The following SCHIP1 variants were observed in gnomAD, a reference collection of about 807,000 sequenced individuals.
The protein encoded by SCHIP1 is schwannomin-interacting protein 1.
In SCHIP1, 8 loss-of-function variants were observed where a neutral mutation model predicts 29.7. The ratio of observed to expected loss-of-function variants is 0.27; its 90% CI spans 0.16 to 0.49. The LOEUF (loss-of-function observed/expected upper bound fraction) is 0.49, where lower values mean the gene tolerates loss of function less well. SCHIP1 is among the 20% of genes least tolerant of loss of function. The probability of loss-of-function intolerance (pLI) is 0.99; values close to 1 mark genes in which losing one functional copy is unlikely to be tolerated. For synonymous variants in SCHIP1, 76 were observed against 94.9 expected, an observed-to-expected ratio of 0.80 and a Z score of 1.16; for missense variants, 193 against 294.6, an observed-to-expected ratio of 0.66 and a Z score of 2.52.
the SCHIP1 span, among the ~76,000 whole-genome samples, chr3:159,483,064 T>A: frequency 1.3e-5 from 2 of 152,202 alleles, no homozygotes; most frequent in Non-Finnish European, 2.9e-5. Context: ...ACCAATTAGT[T>A]TAGCTGCAAT....
At chr3:159,519,035 C>G in the SCHIP1 span, among the ~76,000 whole-genome samples, 1 of 152,050 alleles carries the variant, frequency 6.6e-6, no homozygotes, top group African/African-American at 2.4e-5. Flanking sequence ...AAACCAAGCT[C>G]TATAATACTA....
chr3:159,360,024 C>T, the SCHIP1 span, among the ~76,000 whole-genome samples: 1 of 152,174 alleles, frequency 6.6e-6, no homozygotes, highest in Non-Finnish European at 1.5e-5. Flanking sequence ...TAATAAATGA[C>T]ACCTTAGAGC....
the SCHIP1 span, among the ~76,000 whole-genome samples, chr3:159,550,674 T>C: frequency 0.98 from 149,731 of 152,180 alleles, 73,674 homozygotes; most frequent in East Asian, 1. Flanking sequence ...TCCAACCTGT[T>C]TTTATCTCAT....
chr3:159,393,820 C>A, the SCHIP1 span, among the ~76,000 whole-genome samples: 1 of 151,918 alleles, frequency 6.6e-6, no homozygotes, highest in Non-Finnish European at 1.5e-5. Context: ...TCCATATGAA[C>A]TTTAAAGTAG....
At chr3:159,348,272 T>C in the SCHIP1 span, among the ~76,000 whole-genome samples, 1 of 152,098 alleles carries the variant, frequency 6.6e-6, no homozygotes, top group Non-Finnish European at 1.5e-5. Context: ...TGATGGAAAT[T>C]AGGGTGAGGA....
At chr3:159,361,986 G>A in the SCHIP1 span, among the ~76,000 whole-genome samples, 6 of 152,196 alleles carry the variant, frequency 3.9e-5, no homozygotes, top group East Asian at 1.9e-4. Flanking sequence ...GTTTGGAAGA[G>A]AGGTATGATC....
the SCHIP1 span, chr3:159,273,692 T>C: frequency 8.8e-6 from 13 of 1,471,806 alleles, no homozygotes; most frequent in Non-Finnish European, 1.2e-5. Flanking sequence ...ACTTATTTAG[T>C]GTGTGTTATA....
chr3:159,602,653 G>A, the SCHIP1 span, among the ~76,000 whole-genome samples: 1 of 151,378 alleles, frequency 6.6e-6, no homozygotes, highest in African/African-American at 2.4e-5. Context: ...AGGTTACAGT[G>A]AGCCAAGATT....
At chr3:159,345,258 G>A in the SCHIP1 span, among the ~76,000 whole-genome samples, 15 of 149,756 alleles carry the variant, frequency 1.0e-4, no homozygotes, top group African/African-American at 2.7e-4. Flanking sequence ...ATGCTAAATC[G>A]CAGTGACATA....
the SCHIP1 span, among the ~76,000 whole-genome samples, chr3:159,344,321 C>CAAA: frequency 1.6e-5 from 2 of 126,300 alleles, no homozygotes; most frequent in Non-Finnish European, 1.7e-5. Context: ...AACTCCATCT[C>CAAA]AAAAAAAAAA....
At chr3:159,708,024 A>C in the SCHIP1 span, among the ~76,000 whole-genome samples, 2 of 152,002 alleles carry the variant, frequency 1.3e-5, no homozygotes, top group South Asian at 4.2e-4. Flanking sequence ...TCTTCAAAAT[A>C]TCTCTGTCTC....
At chr3:159,816,420 C>T in the SCHIP1 span, among the ~76,000 whole-genome samples, 29 of 151,520 alleles carry the variant, frequency 1.9e-4, no homozygotes, top group Middle Eastern at 0.01. Context: ...TACAGGCAAA[C>T]ACCACAGCAC....
the SCHIP1 span, among the ~76,000 whole-genome samples, chr3:159,518,319 G>A: frequency 2.6e-5 from 4 of 152,140 alleles, no homozygotes; most frequent in Admixed American, 2.0e-4. Flanking sequence ...TGGGGTTTGG[G>A]GAGGCCATTG....
the SCHIP1 span, among the ~76,000 whole-genome samples, chr3:159,506,066 A>G: frequency 6.6e-6 from 1 of 152,186 alleles, no homozygotes; most frequent in African/African-American, 2.4e-5. Context: ...CAATGGTTGA[A>G]CTAGTGTACA....
the SCHIP1 span, among the ~76,000 whole-genome samples, chr3:159,466,335 A>G: frequency 6.6e-6 from 1 of 152,210 alleles, no homozygotes; most frequent in Non-Finnish European, 1.5e-5. Context: ...AAGAAAAAAA[A>G]GAACATGAGA....
chr3:159,491,738 G>C, the SCHIP1 span, among the ~76,000 whole-genome samples: 1 of 152,246 alleles, frequency 6.6e-6, no homozygotes, highest in East Asian at 1.9e-4. Context: ...CTGTCTGACA[G>C]CTTTGAAGAG....
At chr3:159,840,524 GA>G (rs1230340320) in intron 1 of SCHIP1, among the ~76,000 whole-genome samples, 1 of 152,224 alleles carries the variant, frequency 6.6e-6, no homozygotes, top group Non-Finnish European at 1.5e-5. Flanking sequence ...AATTTCAGAG[GA>G]AAATCTGTTT....
the SCHIP1 span, among the ~76,000 whole-genome samples, chr3:159,285,129 T>C: frequency 3.9e-5 from 6 of 152,178 alleles, no homozygotes; most frequent in Admixed American, 3.3e-4. Flanking sequence ...ATTTTTACTT[T>C]GGGGTATTTG....
the SCHIP1 span, among the ~76,000 whole-genome samples, chr3:159,809,280 T>C: frequency 6.6e-6 from 1 of 152,150 alleles, no homozygotes; most frequent in Non-Finnish European, 1.5e-5. Flanking sequence ...GAATGATGGT[T>C]CCAAGTTTCG....
Sources: gnomAD v4.1 joint callset for allele counts (sites outside exome capture counted in the v4.1 genomes callset) on GRCh38, gnomAD v4.1.1 for gene constraint, MANE v1.5 for transcripts, NCBI Gene and HGNC (gene_info 2026-07-23, HGNC 2026-07-21) for gene names.